DIS3L: variants seen among roughly 807,000 people sequenced by gnomAD.
DIS3L encodes DIS3 like exosome 3'-5' exoribonuclease.
Under a neutral mutation model 120.3 loss-of-function variants are expected in DIS3L, and 100 were observed. The ratio of observed to expected loss-of-function variants is 0.83; its 90% CI spans 0.71 to 0.98. The LOEUF (loss-of-function observed/expected upper bound fraction) is 0.98, where lower values mean the gene tolerates loss of function less well. Ranked by LOEUF, DIS3L falls within the 50% of genes least tolerant of loss-of-function variation. DIS3L has a pLI of 0.00. For missense variants in DIS3L, 1,196 were observed against 1,314.2 expected, an observed-to-expected ratio of 0.91 and a Z score of 1.39; for synonymous variants, 426 against 470.6, an observed-to-expected ratio of 0.91 and a Z score of 1.23.
chr15:66,333,096 A>C lies in DIS3L; in HGVS notation c.2949A>C (p.Glu983Asp). ...AACCATACAAGATACCAAATACAGA[A>C]CTTATTCATCAGAGTTCCCCCTTGC... ...SNKPYKIPNT[E>D]LIHQSSPLLK... Residue 983 changes from glutamate (E) to aspartate (D), a missense_variant, in exon 17 of 17, where the codon GAA becomes GAC. Transcript: ENST00000319212. 2 of 1,613,418 alleles carry C rather than the reference A, an allele frequency of 1.2e-6. No homozygotes were observed. Among genetic ancestry groups the C allele is most frequent in the Admixed American group, 1.7e-5 (1 of 60,008 alleles).
intron 1 of DIS3L, chr15:66,294,580 A>T: frequency 1.0e-6 from 1 of 970,486 alleles, no homozygotes; most frequent in Non-Finnish European, 1.2e-6. Flanking sequence ...GCTGCTGAGC[A>T]CGTGCAGAAG....
Position 66,331,871 on chromosome 15 carries a change from A to G in DIS3L, c.2536-4A>G. ...AAAATGCTTTGGAGTTGTGCTTCTT[A>G]CAGGCAGCACAGCATTCTCAGAAGC... On this transcript the variant is annotated splice_polypyrimidine_tract_variant and splice_region_variant and intron_variant, in intron 14 of 16. Coordinates refer to ENST00000319212, the MANE Select transcript of DIS3L (RefSeq NM_001143688.3). The G allele has an allele frequency of 6.4e-7, 1 of 1,573,586 alleles. No individual in the cohort carries two copies. The highest frequency in any genetic ancestry group is 1.2e-5 in the South Asian group (1 of 82,252).
chr15:66,296,263 G>T (rs534462869), intron 2 of DIS3L, among the ~76,000 whole-genome samples: 1 of 152,268 alleles, frequency 6.6e-6, no homozygotes, highest in South Asian at 2.1e-4. Context: ...TTAGAAACCA[G>T]TTCCTGGGAC....
intron 10 of DIS3L, 110 bp from the exon 11 acceptor site, chr15:66,323,383 T>C (rs1486042295): frequency 2.9e-6 from 3 of 1,023,272 alleles, no homozygotes; most frequent in Non-Finnish European, 4.5e-6. Context: ...GCAACAGCCT[T>C]GGGGAATCTG....
chr15:66,328,282 T>G (rs59801946), intron 12 of DIS3L, among the ~76,000 whole-genome samples: 1 of 152,346 alleles, frequency 6.6e-6, no homozygotes, highest in African/African-American at 2.4e-5. Context: ...CTGTTCATCA[T>G]CATGCTCTAT....
intron 5 of DIS3L, 66 bp downstream of exon 5, chr15:66,311,966 T>C (rs2092767048): frequency 6.3e-7 from 1 of 1,576,270 alleles, no homozygotes. Context: ...ATCCCAGCAC[T>C]TTGGCTAAGG....
At chr15:66,320,175 C>T (rs927910166) in intron 8 of DIS3L, among the ~76,000 whole-genome samples, 1 of 151,986 alleles carries the variant, frequency 6.6e-6, no homozygotes, top group East Asian at 1.9e-4. Context: ...GGAACTACCT[C>T]CCACACACAA....
At chr15:66,318,061 C>T (rs2092839025) in intron 7 of DIS3L, among the ~76,000 whole-genome samples, 1 of 152,148 alleles carries the variant, frequency 6.6e-6, no homozygotes, top group Non-Finnish European at 1.5e-5. Flanking sequence ...GCAAGTTCCG[C>T]CTCCCAGGTT....
intron 2 of DIS3L, among the ~76,000 whole-genome samples, chr15:66,298,545 A>G (rs1285755247): frequency 6.6e-6 from 1 of 152,272 alleles, no homozygotes; most frequent in Non-Finnish European, 1.5e-5. Context: ...TAGGTTTAAC[A>G]ATGGAAAGAC....
At chr15:66,304,612 A>C (rs2092683373) in intron 2 of DIS3L, among the ~76,000 whole-genome samples, 1 of 152,158 alleles carries the variant, frequency 6.6e-6, no homozygotes, top group African/African-American at 2.4e-5. Flanking sequence ...TTATTAAGAT[A>C]TTTTATGGCC....
At chr15:66,329,794 C>G in intron 14 of DIS3L, 2 of 931,000 alleles carry the variant, frequency 2.1e-6, no homozygotes, top group Non-Finnish European at 2.6e-6. Flanking sequence ...CGCCTGTAGT[C>G]CCAGTTACTT....
rs766482991 is a variant in DIS3L, at chr15:66,325,985, C to T, written c.1822C>T (p.Pro608Ser). ...AAACTTAAGCGTTGTTGATGATATT[C>T]CAGAATTCAAAGACTTGGATGAGAA... is the stretch of plus-strand genomic sequence containing the variant. Reference protein sequence around the residue: ...DGNLSVVDDIPEFKDLDEKSR... With the variant: ...DGNLSVVDDISEFKDLDEKSR... Residue 608 changes from proline (P) to serine (S), a missense_variant, in exon 12 of 17, where the codon CCA becomes TCA. By Grantham distance (74) the Pro-to-Ser change is moderately conservative. Transcript: ENST00000319212. The T allele has an allele frequency of 2.5e-6, 4 of 1,614,086 alleles. No homozygotes were observed. Among genetic ancestry groups the T allele is most frequent in the South Asian group, 1.1e-5 (1 of 91,070 alleles).
chr15:66,306,908 T>C lies in DIS3L; in HGVS notation c.378T>C (p.Tyr126=), dbSNP rs2092708140. The part of the protein sequence containing the change: ...LFANEFQQCC[Y]LPRERGESME... ...CTAATGAATTCCAGCAATGCTGCTA[T>C]CTGCCACGGGAAAGAGGAGAGTCCA... Residue 126 remains tyrosine (Y), a synonymous_variant, in exon 3 of 17, where the codon TAT becomes TAC. Coordinates refer to ENST00000319212, the MANE Select transcript of DIS3L (RefSeq NM_001143688.3). 1 of 1,614,156 alleles carries C rather than the reference T, an allele frequency of 6.2e-7. No individual in the cohort carries two copies. Among genetic ancestry groups the C allele is most frequent in the Non-Finnish European group, 8.5e-7 (1 of 1,180,000 alleles).
chr15:66,308,699 G>T lies in DIS3L; in HGVS notation c.423-10G>T. 1 of 1,605,424 alleles carries T rather than the reference G, an allele frequency of 6.2e-7. No individual in the cohort carries two copies. The highest frequency in any genetic ancestry group is 8.5e-7 in the Non-Finnish European group (1 of 1,174,158). On this transcript the variant is annotated splice_polypyrimidine_tract_variant and intron_variant, in intron 3 of 16. Transcript: ENST00000319212. Reference sequence around the variant, plus strand: ...CCTGGGGAGAGCTCATGTGCCCTTTGCTTTTCCAGGAGCATATACAACGCA... The same window carrying T: ...CCTGGGGAGAGCTCATGTGCCCTTTTCTTTTCCAGGAGCATATACAACGCA...
chr15:66,318,523 TC>T lies in DIS3L; in HGVS notation c.1070del (p.Ser357PhefsTer58). 1 of 1,613,978 alleles carries T rather than the reference TC, an allele frequency of 6.2e-7. No individual in the cohort carries two copies. Among genetic ancestry groups the T allele is most frequent in the Non-Finnish European group, 8.5e-7 (1 of 1,180,008 alleles). On this transcript the variant is annotated frameshift_variant, in exon 8 of 17. Coordinates refer to ENST00000319212, the MANE Select transcript of DIS3L (RefSeq NM_001143688.3). LOFTEE classifies it high-confidence loss of function. ...VTFPSKEEVQ[S>X]QGKNAQKILV... ...ATTTCCGTCCAAAGAAGAGGTCCAA[TC>T]TCAGGGCAAAAATGCTCAGAAAATC...
At chr15:66,308,914 T>C (rs943690938) in intron 4 of DIS3L, 70 bp downstream of exon 4, 29 of 1,490,722 alleles carry the variant, frequency 1.9e-5, no homozygotes, top group Non-Finnish European at 2.5e-5. Context: ...CTAGATCCCT[T>C]TGGTAACACA....
chr15:66,309,255 A>C (rs1339663277), intron 4 of DIS3L, among the ~76,000 whole-genome samples: 2 of 150,532 alleles, frequency 1.3e-5, no homozygotes, highest in Admixed American at 6.7e-5. Context: ...CTGTCTCAAC[A>C]AATGAAGTTC....
At position 66,311,889 on chromosome 15, in the gene DIS3L, C is replaced by T. The variant is rs751601665; in HGVS notation, c.724C>T (p.Arg242Cys). 47 of 1,613,790 alleles carry T rather than the reference C, an allele frequency of 2.9e-5. No individual in the cohort carries two copies. The highest frequency in any genetic ancestry group is 1.8e-4 in the East Asian group (8 of 44,878). ...EVLEAGIKSG[R>C]YIQGILNVNK... Reference sequence around the variant, plus strand: ...GTTAGAAGCTGGGATTAAATCTGGACGCTATATCCAGGTGAGGGTGGTAAT... The same window carrying T: ...GTTAGAAGCTGGGATTAAATCTGGATGCTATATCCAGGTGAGGGTGGTAAT... Residue 242 changes from arginine (R) to cysteine (C), a missense_variant, in exon 5 of 17, where the codon CGC (arginine) becomes TGC (cysteine). Coordinates refer to ENST00000319212, the MANE Select transcript of DIS3L (RefSeq NM_001143688.3).
intron 2 of DIS3L, among the ~76,000 whole-genome samples, chr15:66,298,391 C>A (rs951538660): frequency 6.6e-6 from 1 of 152,112 alleles, no homozygotes; most frequent in Non-Finnish European, 1.5e-5. Context: ...AAACATAAAT[C>A]TCGGTATAAG....
Sources: gnomAD v4.1 joint callset for allele counts (sites outside exome capture counted in the v4.1 genomes callset) on GRCh38, gnomAD v4.1.1 for gene constraint, MANE v1.5 for transcripts, NCBI Gene and HGNC (gene_info 2026-07-23, HGNC 2026-07-21) for gene names.